Variants in IKZF2 observed in about 807,000 individuals in gnomAD.
IKZF2 encodes the protein IKAROS family zinc finger 2, also known as zinc finger protein Helios.
IKZF2 carries 15 observed loss-of-function variants against 49.2 expected under a neutral mutation model. That is an observed-to-expected ratio of 0.30 (90% confidence interval 0.20 to 0.47). The LOEUF (loss-of-function observed/expected upper bound fraction) is 0.47. Ranked by LOEUF, IKZF2 falls within the 20% of genes least tolerant of loss-of-function variation. The probability of loss-of-function intolerance (pLI) is 1.00; values close to 1 mark genes in which losing one functional copy is unlikely to be tolerated. For synonymous variants in IKZF2, 227 were observed against 221.4 expected (o/e 1.03, Z -0.23); for missense variants, 567 against 664.6 (o/e 0.85, Z 1.61).
chr2:213,090,101 T>C (rs893558289), intron 4 of IKZF2, among the ~76,000 whole-genome samples: 3 of 152,188 alleles, frequency 2.0e-5, no homozygotes, highest in Admixed American at 6.5e-5. Context: ...ATGGACCTCC[T>C]GAGCTGTGGA....
At position 213,002,518 on chromosome 2, in the gene IKZF2, A is replaced by T. The variant is rs1297516681; in HGVS notation, c.*4842T>A. The T allele has an allele frequency of 6.6e-6, 1 of 151,682 alleles. No individual in the cohort carries two copies. Among genetic ancestry groups the T allele is most frequent in the East Asian group, 1.9e-4 (1 of 5,174 alleles). The allele number at this position is 151,682 out of a possible 1,614,324, so 9.4% of individuals were successfully genotyped here. ...ATAAAAAGAAACACTAGCATATCAC[A>T]GCTTCTTGGTCATATGCCATTTGCT... is the stretch of plus-strand genomic sequence containing the variant. On this transcript the variant is annotated 3_prime_UTR_variant, in exon 9 of 9. Transcript: ENST00000434687.
At chr2:213,139,194 G>A (rs942869662) in intron 4 of IKZF2, among the ~76,000 whole-genome samples, 1 of 151,848 alleles carries the variant, frequency 6.6e-6, no homozygotes, top group Non-Finnish European at 1.5e-5. Flanking sequence ...TATTAATATA[G>A]GTTACAGACT....
At chr2:213,092,401 T>C (rs932507410) in intron 4 of IKZF2, among the ~76,000 whole-genome samples, 1 of 152,164 alleles carries the variant, frequency 6.6e-6, no homozygotes, top group Non-Finnish European at 1.5e-5. Context: ...TGGTCATATT[T>C]AAATTTTTAC....
At chr2:213,020,000 G>A (rs1406702572) in intron 7 of IKZF2, among the ~76,000 whole-genome samples, 1 of 152,062 alleles carries the variant, frequency 6.6e-6, no homozygotes, top group Admixed American at 6.6e-5. Context: ...AGTCTTTTAG[G>A]AGTATGTATG....
intron 4 of IKZF2, among the ~76,000 whole-genome samples, chr2:213,106,445 C>G (rs1001474228): frequency 2.6e-5 from 4 of 151,722 alleles, no homozygotes; most frequent in Non-Finnish European, 5.9e-5. Flanking sequence ...TTGAGACCAG[C>G]CTGTGAGACA....
Position 213,137,367 on chromosome 2 carries a change from C to T in IKZF2, c.139+10341G>A, listed in dbSNP as rs1026049983. ...AGTCATTTTACATTTCCAAATACTA[C>T]ATTCGAGTCAGTGTTTTTAAGGCGT... On this transcript the variant is annotated intron_variant, in intron 4 of 8. Coordinates refer to ENST00000434687, the MANE Select transcript of IKZF2 (RefSeq NM_001387220.1). Among the ~76,000 whole-genome samples, 5 of 152,162 alleles carry T rather than the reference C, an allele frequency of 3.3e-5. No individual in the cohort carries two copies. In the East Asian group the frequency reaches 7.7e-4, roughly 23 times the overall value.
At chr2:213,131,591 G>T (rs901373345) in intron 4 of IKZF2, among the ~76,000 whole-genome samples, 2 of 152,166 alleles carry the variant, frequency 1.3e-5, no homozygotes, top group Non-Finnish European at 2.9e-5. Flanking sequence ...TGGCTGAAAA[G>T]ATGTATATTT....
intron 6 of IKZF2, among the ~76,000 whole-genome samples, chr2:213,047,238 T>C (rs1448314124): frequency 6.6e-6 from 1 of 152,122 alleles, no homozygotes. Flanking sequence ...GCAAGACAAA[T>C]ACAATTAGCG....
chr2:213,018,047 G>A (rs1053913320), intron 7 of IKZF2, among the ~76,000 whole-genome samples: 8 of 152,064 alleles, frequency 5.3e-5, no homozygotes, highest in African/African-American at 1.9e-4. Flanking sequence ...ACAATTCAAA[G>A]CATAAACCTA....
At chr2:213,101,102 T>G (rs916975143) in intron 4 of IKZF2, among the ~76,000 whole-genome samples, 2 of 151,966 alleles carry the variant, frequency 1.3e-5, no homozygotes, top group Non-Finnish European at 2.9e-5. Context: ...TCCCTATACC[T>G]ATGAGGAAAA....
At chr2:213,047,249 CA>C (rs1199083634) in intron 6 of IKZF2, among the ~76,000 whole-genome samples, 1 of 152,078 alleles carries the variant, frequency 6.6e-6, no homozygotes, top group African/African-American at 2.4e-5. Context: ...ACAATTAGCG[CA>C]AATCTATAGA....
At chr2:213,135,965 G>T (rs531407241) in intron 4 of IKZF2, among the ~76,000 whole-genome samples, 307 of 151,204 alleles carry the variant, frequency 2.0e-3, no homozygotes, top group African/African-American at 7.1e-3. Context: ...CAGGAGAATT[G>T]CTTGAACCCA....
chr2:213,056,295 A>G lies in IKZF2; in HGVS notation c.406+538T>C, dbSNP rs150954828. On this transcript the variant is annotated intron_variant, in intron 5 of 8. Coordinates refer to ENST00000434687, the MANE Select transcript of IKZF2 (RefSeq NM_001387220.1). ...TACATATATCCTTGCAGGAGTTATA[A>G]CCAACAATTACAGAAAGATGGCAGC... is the stretch of plus-strand genomic sequence containing the variant. Among the ~76,000 whole-genome samples, 225 of 152,292 alleles carry G rather than the reference A, an allele frequency of 1.5e-3. 1 individual carries two copies. Among genetic ancestry groups the G allele is most frequent in the African/African-American group, 5.2e-3 (216 of 41,570 alleles).
At chr2:213,058,269 C>T (rs1279608304) in intron 4 of IKZF2, among the ~76,000 whole-genome samples, 1 of 152,038 alleles carries the variant, frequency 6.6e-6, no homozygotes, top group Non-Finnish European at 1.5e-5. Context: ...AACTGAGTCT[C>T]ATGTTTGCAA....
chr2:213,044,693 T>G (rs1406773874), intron 6 of IKZF2, among the ~76,000 whole-genome samples: 1 of 152,068 alleles, frequency 6.6e-6, no homozygotes, highest in South Asian at 2.1e-4. Flanking sequence ...ACAAACTGAG[T>G]GCCTGGAATA....
chr2:213,086,417 A>T (rs1174607687), intron 4 of IKZF2, among the ~76,000 whole-genome samples: 1 of 152,230 alleles, frequency 6.6e-6, no homozygotes, highest in Non-Finnish European at 1.5e-5. Context: ...GATATGATGT[A>T]TGATTTACAA....
Position 213,000,406 on chromosome 2 carries a change from G to T in IKZF2, c.*6954C>A, listed in dbSNP as rs1694792640. The T allele has an allele frequency of 6.6e-6, 1 of 150,826 alleles. No individual in the cohort carries two copies. The highest frequency in any genetic ancestry group is 2.4e-5 in the African/African-American group (1 of 41,046). The allele number at this position is 150,826 out of a possible 1,614,324, so 9.3% of individuals were successfully genotyped here. A position where few individuals can be genotyped will look rare whatever the true frequency, so the allele number is the denominator to read the frequency against. ...TACCCTAGAAACTGTCAAGCAATTA[G>T]TCTTTAAAATAGTCTAATTACCTTT... On this transcript the variant is annotated 3_prime_UTR_variant, in exon 9 of 9. Coordinates refer to ENST00000434687, the MANE Select transcript of IKZF2 (RefSeq NM_001387220.1).
At chr2:213,026,788 C>T (rs1345834766) in intron 6 of IKZF2, among the ~76,000 whole-genome samples, 4 of 151,894 alleles carry the variant, frequency 2.6e-5, no homozygotes, top group Non-Finnish European at 5.9e-5. Flanking sequence ...TTTTACTGAA[C>T]AATATATTTT....
At chr2:213,024,034 C>T (rs963838890) in intron 6 of IKZF2, among the ~76,000 whole-genome samples, 1 of 152,076 alleles carries the variant, frequency 6.6e-6, no homozygotes, top group Non-Finnish European at 1.5e-5. Flanking sequence ...TTTATGTTTT[C>T]TACTCACTTT....
Sources: gnomAD v4.1 joint callset for allele counts (sites outside exome capture counted in the v4.1 genomes callset) on GRCh38, gnomAD v4.1.1 for gene constraint, MANE v1.5 for transcripts, NCBI Gene and HGNC (gene_info 2026-07-23, HGNC 2026-07-21) for gene names.